The following C12orf42 variants were observed in gnomAD, a reference collection of about 807,000 sequenced individuals.
C12orf42 encodes chromosome 12 open reading frame 42.
Under a neutral mutation model 21.6 loss-of-function variants are expected in C12orf42, and 25 were observed. The observed-to-expected ratio is 1.16, with a 90% CI of 0.84 to 1.62. The LOEUF is 1.62. C12orf42 is among the 40% of genes most tolerant of loss of function. The pLI is 0.00. For missense variants in C12orf42, 483 were observed against 459.3 expected (o/e 1.05, Z -0.47); for synonymous variants, 174 against 175.0 (o/e 0.99, Z 0.05).
chr12:103,313,490 T>C (rs2039164122), intron 4 of C12orf42, among the ~76,000 whole-genome samples: 1 of 152,210 alleles, frequency 6.6e-6, no homozygotes, highest in Non-Finnish European at 1.5e-5. Context: ...GTCAAATCTA[T>C]GCTTTTCCCC....
chr12:103,155,652 G>T, the C12orf42 span, among the ~76,000 whole-genome samples: 3 of 89,828 alleles, frequency 3.3e-5, no homozygotes, highest in South Asian at 6.7e-4. Flanking sequence ...ATATGTATGT[G>T]TGTGTCTGTA....
chr12:103,072,006 T>A, the C12orf42 span, among the ~76,000 whole-genome samples: 1 of 152,182 alleles, frequency 6.6e-6, no homozygotes, highest in Non-Finnish European at 1.5e-5. Flanking sequence ...TACAGCATCA[T>A]CTCTATCTGT....
At chr12:103,539,998 T>A in the C12orf42 span, among the ~76,000 whole-genome samples, 1 of 151,290 alleles carries the variant, frequency 6.6e-6, no homozygotes, top group Non-Finnish European at 1.5e-5. Context: ...GGTCGTTTTT[T>A]GTTTTTGTTT....
At chr12:103,115,617 A>T in the C12orf42 span, among the ~76,000 whole-genome samples, 1 of 152,228 alleles carries the variant, frequency 6.6e-6, no homozygotes, top group Non-Finnish European at 1.5e-5. Context: ...ATTTAATAAG[A>T]TAGTAAGATA....
At chr12:103,114,707 A>C in the C12orf42 span, among the ~76,000 whole-genome samples, 1 of 152,238 alleles carries the variant, frequency 6.6e-6, no homozygotes, top group Non-Finnish European at 1.5e-5. Flanking sequence ...ATAATGCAGT[A>C]TTATTAATCC....
At chr12:103,543,484 A>G in the C12orf42 span, among the ~76,000 whole-genome samples, 3 of 152,036 alleles carry the variant, frequency 2.0e-5, no homozygotes, top group African/African-American at 7.3e-5. Flanking sequence ...ATGGTAGTGC[A>G]TGCCTGTGGT....
At chr12:103,301,810 C>T (rs1217633268), downstream of C12orf42, 9 of 294,070 alleles carry the variant, frequency 3.1e-5, no homozygotes. Context: ...GGGGTCCTCA[C>T]AATCCCAAGA....
the C12orf42 span, among the ~76,000 whole-genome samples, chr12:103,065,546 C>T: frequency 1.3e-5 from 2 of 152,188 alleles, no homozygotes; most frequent in African/African-American, 2.4e-5. Context: ...AGATATCACA[C>T]TGGTCCATTA....
At chr12:103,425,847 C>T (rs570450082) in intron 2 of C12orf42, among the ~76,000 whole-genome samples, 161 of 152,194 alleles carry the variant, frequency 1.1e-3, no homozygotes, top group Middle Eastern at 3.4e-3. Flanking sequence ...GTGGCTTTGC[C>T]GAGCTGTGGT....
At chr12:103,244,028 C>T (rs1471861382) in intron 10 of C12orf42, among the ~76,000 whole-genome samples, 1 of 152,082 alleles carries the variant, frequency 6.6e-6, no homozygotes, top group East Asian at 1.9e-4. Flanking sequence ...AAGGTTGATT[C>T]CAATGTTCAG....
intron 10 of C12orf42, among the ~76,000 whole-genome samples, chr12:103,251,293 A>G (rs2034288696): frequency 6.6e-6 from 1 of 151,946 alleles, no homozygotes; most frequent in African/African-American, 2.4e-5. Flanking sequence ...AGAGATCTCT[A>G]CAAGCTTTGA....
chr12:103,146,848 G>T, the C12orf42 span, among the ~76,000 whole-genome samples: 3 of 152,266 alleles, frequency 2.0e-5, no homozygotes, highest in South Asian at 6.2e-4. Context: ...TAAACCACTG[G>T]GTAATGGGAA....
At position 103,447,329 on chromosome 12, in the gene C12orf42, C is replaced by T. The variant is rs1293477405; in HGVS notation, c.78+31020G>A. Among the ~76,000 whole-genome samples the T allele has an allele frequency of 2.0e-5, 3 of 151,852 alleles. No homozygotes were observed. The East Asian group carries it at 5.8e-4, about 29-fold the overall frequency. ...AAGCCATCTATGACAAACCCACAGC[C>T]AACATTATACTGAATGAGGAAAAAT... On this transcript the variant is annotated intron_variant, in intron 2 of 5. Coordinates refer to ENST00000548883, the MANE Select transcript of C12orf42 (RefSeq NM_198521.5).
At chr12:103,294,589 A>AAAGAAAG (rs1262494557) in intron 4 of C12orf42, among the ~76,000 whole-genome samples, 1 of 117,378 alleles carries the variant, frequency 8.5e-6, no homozygotes, top group Non-Finnish European at 1.8e-5. Context: ...GGAAGGAAAG[A>AAAGAAAG]AAGAAAGAAA....
intron 2 of C12orf42, among the ~76,000 whole-genome samples, chr12:103,442,374 A>T (rs537472759): frequency 6.6e-5 from 10 of 152,290 alleles, no homozygotes; most frequent in African/African-American, 2.4e-4. Flanking sequence ...TGACGTTTGC[A>T]TGCACTGGAC....
chr12:103,440,175 G>C (rs1241753239), intron 2 of C12orf42, among the ~76,000 whole-genome samples: 8 of 143,162 alleles, frequency 5.6e-5, no homozygotes, highest in Non-Finnish European at 9.1e-5. Flanking sequence ...ACCAAACACT[G>C]CATATTCTCA....
the C12orf42 span, among the ~76,000 whole-genome samples, chr12:103,104,308 A>ATACT: frequency 1.3e-5 from 2 of 152,234 alleles, no homozygotes; most frequent in Non-Finnish European, 1.5e-5. Context: ...AAAGAAAGAT[A>ATACT]TACTCCAAGA....
chr12:103,345,194 A>C (rs2042507952), intron 4 of C12orf42, among the ~76,000 whole-genome samples: 1 of 152,234 alleles, frequency 6.6e-6, no homozygotes, highest in South Asian at 2.1e-4. Flanking sequence ...AATCAGTTAC[A>C]CAGTCATCAA....
intron 4 of C12orf42, among the ~76,000 whole-genome samples, chr12:103,359,357 G>A (rs914698327): frequency 4.6e-5 from 7 of 152,052 alleles, no homozygotes; most frequent in African/African-American, 1.2e-4. Flanking sequence ...TTAAGCTATA[G>A]AACATTTCAT....
Sources: gnomAD v4.1 joint callset for allele counts (sites outside exome capture counted in the v4.1 genomes callset) on GRCh38, gnomAD v4.1.1 for gene constraint, MANE v1.5 for transcripts, NCBI Gene and HGNC (gene_info 2026-07-23, HGNC 2026-07-21) for gene names.